The following NBAS variants were observed in gnomAD, a reference collection of about 807,000 sequenced individuals.
The protein encoded by NBAS is NAG/BC035112 fusion.
In NBAS, 219 loss-of-function variants were observed where a neutral mutation model predicts 302.5. The ratio of observed to expected loss-of-function variants is 0.72; its 90% confidence interval spans 0.65 to 0.81. The LOEUF is 0.81. Ranked by LOEUF, NBAS falls within the 30% of genes least tolerant of loss-of-function variation. NBAS has a pLI of 0.00. For missense variants in NBAS, 2,932 were observed against 2,841.6 expected, an observed-to-expected ratio of 1.03 and a Z score of -0.72; for synonymous variants, 1,118 against 1,021.6, an observed-to-expected ratio of 1.09 and a Z score of -1.80.
chr2:15,129,649 C>T, the NBAS span, among the ~76,000 whole-genome samples: 4 of 152,196 alleles, frequency 2.6e-5, no homozygotes, highest in African/African-American at 4.8e-5. Flanking sequence ...TTCTAAAATG[C>T]CCTTCCTGCC....
intron 44 of NBAS, among the ~76,000 whole-genome samples, chr2:15,261,655 A>G (rs968735707): frequency 1.4e-4 from 22 of 152,194 alleles, no homozygotes; most frequent in African/African-American, 4.8e-4. Context: ...CAATGATACA[A>G]GCTAATACAT....
the NBAS span, among the ~76,000 whole-genome samples, chr2:14,933,069 T>G: frequency 6.6e-6 from 1 of 152,186 alleles, no homozygotes; most frequent in Non-Finnish European, 1.5e-5. Flanking sequence ...GCTGCAGAAG[T>G]TTTTGGAGAC....
the NBAS span, among the ~76,000 whole-genome samples, chr2:14,994,629 G>C: frequency 6.6e-6 from 1 of 152,194 alleles, no homozygotes; most frequent in African/African-American, 2.4e-5. Context: ...CCCTCACTCT[G>C]AGAGGTCCAC....
the NBAS span, among the ~76,000 whole-genome samples, chr2:15,025,690 TC>T: frequency 6.6e-6 from 1 of 152,090 alleles, no homozygotes; most frequent in Non-Finnish European, 1.5e-5. Flanking sequence ...TCCCTGATTA[TC>T]TGTATTCCCA....
rs184065841 is a variant in NBAS, at chr2:15,424,283, A to G, written c.2577+32T>C. The stretch of plus-strand genomic sequence containing the variant: ...AAGGATCCAAGGCAGTTCCACTAAC[A>G]TTACTGAGCAGCAGCTGCCATTTCC... On this transcript the variant is annotated intron_variant, in intron 23 of 51. Transcript: ENST00000281513. The G allele has an allele frequency of 1.4e-3, 2,220 of 1,613,352 alleles. 21 individuals are homozygous for G. In the African/African-American group the frequency reaches 0.026, roughly 19 times the overall value.
At chr2:15,561,165 T>C in intron 1 of NBAS, 23 bp downstream of exon 1, 2 of 1,606,360 alleles carry the variant, frequency 1.2e-6, no homozygotes, top group Non-Finnish European at 1.7e-6. Flanking sequence ...AGCTGGCTGC[T>C]GCTGTAGATG....
intron 21 of NBAS, among the ~76,000 whole-genome samples, chr2:15,437,544 A>T (rs559835277): frequency 4.6e-5 from 7 of 152,222 alleles, no homozygotes; most frequent in Non-Finnish European, 2.9e-5. Flanking sequence ...AGTTCGACAG[A>T]ATGTGACTAG....
downstream of NBAS, among the ~76,000 whole-genome samples, chr2:15,162,963 CATA>C (rs1411476104): frequency 1.3e-5 from 2 of 152,190 alleles, no homozygotes; most frequent in Admixed American, 6.5e-5. Context: ...CTACATTTAT[CATA>C]ATGAGTTTTC....
chr2:14,826,664 C>T, the NBAS span, among the ~76,000 whole-genome samples: 2 of 152,218 alleles, frequency 1.3e-5, no homozygotes, highest in African/African-American at 2.4e-5. Context: ...TTTTAGTGCA[C>T]AAGAGAGGCT....
rs77301206 is a variant in NBAS, at chr2:15,448,275, A to G, written c.2339+12926T>C. On this transcript the variant is annotated intron_variant, in intron 21 of 51. Transcript: ENST00000281513. ...TAATATAATGTATATTCCTATCAAA[A>G]TCTACAGAAAAAAATTGCTGCTGCT... Among the ~76,000 whole-genome samples the G allele has an allele frequency of 7.6e-3, 1,164 of 152,262 alleles. 18 individuals are homozygous for G. Among genetic ancestry groups the G allele is most frequent in the East Asian group, 0.06 (308 of 5,176 alleles).
chr2:15,162,278 G>A (rs1264231784), downstream of NBAS, among the ~76,000 whole-genome samples: 2 of 152,140 alleles, frequency 1.3e-5, no homozygotes, highest in African/African-American at 4.8e-5. Flanking sequence ...AGAAATTCCA[G>A]TGTGGCTCCC....
At chr2:14,845,139 T>C in the NBAS span, among the ~76,000 whole-genome samples, 1 of 152,124 alleles carries the variant, frequency 6.6e-6, no homozygotes, top group Non-Finnish European at 1.5e-5. Context: ...CTCAGTGCAA[T>C]CCCAATTGTA....
Position 15,379,786 on chromosome 2 carries a change from G to A in NBAS, c.3406C>T (p.His1136Tyr), listed in dbSNP as rs1466755713. 3 of 1,613,908 alleles carry A rather than the reference G, an allele frequency of 1.9e-6. No homozygotes were observed. The highest frequency in any genetic ancestry group is 2.5e-6 in the Non-Finnish European group (3 of 1,179,986). Residue 1136 changes from histidine to tyrosine, a missense_variant, in exon 30 of 52, where the codon CAC (histidine) becomes TAC (tyrosine). Coordinates refer to ENST00000281513, the MANE Select transcript of NBAS (RefSeq NM_015909.4). Reference protein sequence around the residue: ...LLCSSRLENIHLAGQMMHCSA... With the variant: ...LLCSSRLENIYLAGQMMHCSA... ...CAGTGCATCATCTGTCCAGCCAGGT[G>A]GATGTTTTCAAGGCGACTAGAGCAC...
At chr2:14,834,680 G>A in the NBAS span, among the ~76,000 whole-genome samples, 2 of 152,100 alleles carry the variant, frequency 1.3e-5, no homozygotes, top group Non-Finnish European at 2.9e-5. Flanking sequence ...GAGGGGGGAA[G>A]TGGATGCCAC....
At chr2:14,813,717 G>A in the NBAS span, among the ~76,000 whole-genome samples, 3 of 152,122 alleles carry the variant, frequency 2.0e-5, no homozygotes, top group Admixed American at 6.5e-5. Context: ...TAACCATGTG[G>A]GAGAAAAGAA....
intron 40 of NBAS, among the ~76,000 whole-genome samples, chr2:15,307,291 C>T (rs2148155673): frequency 6.6e-6 from 1 of 152,184 alleles, no homozygotes; most frequent in South Asian, 2.1e-4. Flanking sequence ...AGAGTGATGG[C>T]GAGATATGAA....
chr2:15,324,811 C>A (rs1671988412), intron 38 of NBAS, among the ~76,000 whole-genome samples: 1 of 152,136 alleles, frequency 6.6e-6, no homozygotes. Flanking sequence ...TATGTTTCTC[C>A]CACTCCCTAA....
At chr2:15,290,130 G>A (rs1484042590) in intron 41 of NBAS, among the ~76,000 whole-genome samples, 11 of 151,600 alleles carry the variant, frequency 7.3e-5, no homozygotes, top group Non-Finnish European at 1.6e-4. Flanking sequence ...AGAGAGGAGA[G>A]AGAAGAGAAG....
chr2:15,130,958 C>T, the NBAS span, among the ~76,000 whole-genome samples: 1 of 152,218 alleles, frequency 6.6e-6, no homozygotes, highest in African/African-American at 2.4e-5. Flanking sequence ...TCTTTCTAAA[C>T]TTGATAGTTT....
Sources: allele counts gnomAD v4.1 joint callset (sites outside exome capture counted in the v4.1 genomes callset), GRCh38; gene constraint gnomAD v4.1.1; transcripts MANE v1.5; gene names NCBI Gene and HGNC (gene_info 2026-07-23, HGNC 2026-07-21).